Variants in COXFA4L2 observed in about 807,000 individuals in gnomAD.
The protein encoded by COXFA4L2 is NADH dehydrogenase (ubiquinone) 1 alpha subcomplex, 4-like 2.
the COXFA4L2 span, chr12:57,235,714 G>A: frequency 7.4e-6 from 12 of 1,611,440 alleles, no homozygotes; most frequent in African/African-American, 1.3e-4. Context: ...GGAGATAAGA[G>A]GATGGGGGGC....
At chr12:57,236,442 C>T in the COXFA4L2 span, 1 of 624,764 alleles carries the variant, frequency 1.6e-6, no homozygotes. Context: ...ACGGGGGTCT[C>T]CCAGGTCAGC....
chr12:57,235,645 C>T, the COXFA4L2 span: 23 of 1,613,668 alleles, frequency 1.4e-5, no homozygotes, highest in South Asian at 1.1e-4. Context: ...AAGGGGGTTG[C>T]GCTGAGTACC....
the COXFA4L2 span, chr12:57,237,271 G>A: frequency 2.1e-6 from 3 of 1,446,904 alleles, no homozygotes; most frequent in South Asian, 4.4e-5. Context: ...CCCAAAGCCT[G>A]TAGGGGAATT....
chr12:57,235,416 G>T, the COXFA4L2 span: 1 of 854,008 alleles, frequency 1.2e-6, no homozygotes, highest in Non-Finnish European at 1.9e-6. Context: ...GGGTGGAGCA[G>T]CCTCCCCTCT....
chr12:57,240,652 T>C, the COXFA4L2 span: 1 of 984,424 alleles, frequency 1.0e-6, no homozygotes, highest in Non-Finnish European at 1.2e-6. Flanking sequence ...GGCACACGCC[T>C]ACGCACTGTC....
At chr12:57,237,309 C>A in the COXFA4L2 span, 1 of 1,428,212 alleles carries the variant, frequency 7.0e-7, no homozygotes, top group Non-Finnish European at 9.1e-7. Context: ...TTTCTGCTCT[C>A]CGACTCTCTC....
the COXFA4L2 span, chr12:57,237,166 G>C: frequency 6.2e-7 from 1 of 1,613,160 alleles, no homozygotes; most frequent in Non-Finnish European, 8.5e-7. Flanking sequence ...AGTGGGGAGG[G>C]ATCAGCCCAG....
the COXFA4L2 span, chr12:57,237,940 G>A: frequency 1.9e-5 from 3 of 154,414 alleles, no homozygotes; most frequent in African/African-American, 7.2e-5. Context: ...CACAGACACA[G>A]AAATGCAAGC....
chr12:57,236,466 C>T, the COXFA4L2 span: 2 of 768,206 alleles, frequency 2.6e-6, no homozygotes, highest in Non-Finnish European at 4.0e-6. Flanking sequence ...GGGCTCCAGC[C>T]CTGAGATGCC....
At chr12:57,235,872 A>G in the COXFA4L2 span, 12 of 1,427,730 alleles carry the variant, frequency 8.4e-6, no homozygotes, top group East Asian at 2.4e-5. Flanking sequence ...CTGTAACCCA[A>G]TTTGACCCCC....
the COXFA4L2 span, chr12:57,236,413 C>T: frequency 1.8e-6 from 1 of 545,632 alleles, no homozygotes; most frequent in Non-Finnish European, 3.2e-6. Context: ...AGTGAGCGGC[C>T]AGGTGGGCTG....
chr12:57,236,033 C>T, the COXFA4L2 span, among the ~76,000 whole-genome samples: 11 of 152,180 alleles, frequency 7.2e-5, no homozygotes, highest in African/African-American at 2.7e-4. Context: ...CATGGGGCTG[C>T]GTGACAAACT....
the COXFA4L2 span, chr12:57,235,027 G>A: frequency 6.3e-6 from 1 of 157,740 alleles, no homozygotes; most frequent in Non-Finnish European, 1.4e-5. Context: ...GGGGGTACTG[G>A]CGGCAGCGGG....
the COXFA4L2 span, chr12:57,239,584 TGCCCTAA>T: frequency 6.6e-6 from 1 of 152,302 alleles, no homozygotes; most frequent in African/African-American, 2.4e-5. The surrounding 1 kb of genome is among the most constrained non-coding windows in gnomAD (Gnocchi z 5.5). Context: ...GATTCGAGAT[TGCCCTAA>T]GCCCTCTGAC....
At chr12:57,236,479 TCG>T in the COXFA4L2 span, 1 of 860,804 alleles carries the variant, frequency 1.2e-6, no homozygotes, top group Non-Finnish European at 1.7e-6. Context: ...GAGATGCCGG[TCG>T]GTACAGTCGA....
the COXFA4L2 span, chr12:57,236,546 T>C: frequency 1.3e-6 from 2 of 1,484,026 alleles, no homozygotes; most frequent in Non-Finnish European, 1.8e-6. Flanking sequence ...TTCCACCCCA[T>C]CTTGCCTCAC....
the COXFA4L2 span, chr12:57,236,944 G>A: frequency 6.4e-7 from 1 of 1,562,770 alleles, no homozygotes. Context: ...GAGGGACCTG[G>A]GCACAAGGCA....
chr12:57,237,202 C>A, the COXFA4L2 span: 3 of 1,585,110 alleles, frequency 1.9e-6, no homozygotes, highest in Non-Finnish European at 2.6e-6. Context: ...CTTGGCCCAG[C>A]CCGTGCTTCT....
chr12:57,235,908 C>A, the COXFA4L2 span: 1 of 1,067,528 alleles, frequency 9.4e-7, no homozygotes, highest in Non-Finnish European at 1.3e-6. Flanking sequence ...GCTCTGGCCC[C>A]ACCCCAGTAC....
Sources: allele counts gnomAD v4.1 joint callset (sites outside exome capture counted in the v4.1 genomes callset), GRCh38; gene constraint gnomAD v4.1.1; non-coding constraint Gnocchi (gnomAD v3.1); transcripts MANE v1.5; gene names NCBI Gene and HGNC (gene_info 2026-07-23, HGNC 2026-07-21).